C12orf60: variants seen among roughly 807,000 people sequenced by gnomAD.
C12orf60 encodes chromosome 12 open reading frame 60, also known as uncharacterized protein C12orf60.
For missense variants in C12orf60, 284 were observed against 283.2 expected, an observed-to-expected ratio of 1.00 and a Z score of -0.02; for synonymous variants, 102 against 94.6, an observed-to-expected ratio of 1.08 and a Z score of -0.45.
chr12:14,806,825 C>T, intron 1 of C12orf60: 2 of 844,736 alleles, frequency 2.4e-6, no homozygotes, highest in Non-Finnish European at 3.6e-6. Flanking sequence ...GATAATTCCT[C>T]AGAACACTCA....
chr12:14,806,016 T>C (rs780538890), intron 1 of C12orf60: 1 of 1,605,320 alleles, frequency 6.2e-7, no homozygotes, highest in Non-Finnish European at 8.5e-7. Context: ...TTTCATTTGG[T>C]GTTTCACTGT....
Position 14,823,565 on chromosome 12 carries a change from G to C in C12orf60, c.630G>C (p.Leu210Phe). ...SKNPTKSAAD[L>F]LEQIVKAMGP... ...ATCCCACAAAGTCAGCAGCAGATTT[G>C]TTGGAACAAATTGTCAAGGCTATGG... Residue 210 changes from leucine to phenylalanine, a missense_variant, in exon 2 of 2, where the codon TTG (leucine) becomes TTC (phenylalanine). Transcript: ENST00000330828. 6.2e-7 allele frequency: 1 copy of C among 1,613,798 alleles called. No individual in the cohort carries two copies. Among genetic ancestry groups the C allele is most frequent in the East Asian group, 2.2e-5 (1 of 44,866 alleles).
At chr12:14,816,369 A>G (rs1356637442) in intron 1 of C12orf60, among the ~76,000 whole-genome samples, 1 of 152,168 alleles carries the variant, frequency 6.6e-6, no homozygotes, top group Admixed American at 6.5e-5. Context: ...CAAAAACCAT[A>G]TATTACATGA....
intron 1 of C12orf60, among the ~76,000 whole-genome samples, chr12:14,816,767 C>CA (rs1226937629): frequency 2.2e-5 from 3 of 136,410 alleles, no homozygotes; most frequent in Admixed American, 1.6e-4. Context: ...TTTTTTGAGA[C>CA]AGAGTCTCAC....
At chr12:14,810,301 A>C (rs944946703) in intron 1 of C12orf60, among the ~76,000 whole-genome samples, 4 of 152,246 alleles carry the variant, frequency 2.6e-5, no homozygotes, top group African/African-American at 7.2e-5. Context: ...GATAAGAAGC[A>C]CTGGGGAATT....
chr12:14,823,967 A>T lies in C12orf60; in HGVS notation c.*294A>T, dbSNP rs1217992197. 1.5e-5 allele frequency: 3 copies of T among 194,834 alleles called. No individual in the cohort carries two copies. The East Asian group carries it at 3.7e-4, about 24-fold the overall frequency. The allele number at this position is 194,834 out of a possible 1,614,324, so 12.1% of individuals were successfully genotyped here. A position where few individuals can be genotyped will look rare whatever the true frequency, so the allele number is the denominator to read the frequency against. ...TTGTGTTTCATCTTAAAGCATAATT[A>T]AAACAACCCTAAAGTAGTTCCCACT... On this transcript the variant is annotated 3_prime_UTR_variant, in exon 2 of 2. Transcript: ENST00000330828.
intron 1 of C12orf60, among the ~76,000 whole-genome samples, chr12:14,814,637 T>C (rs1288134176): frequency 6.6e-6 from 1 of 152,202 alleles, no homozygotes; most frequent in Non-Finnish European, 1.5e-5. Flanking sequence ...TTTTTTTTTC[T>C]CTTCTTTCCA....
chr12:14,812,788 A>C (rs1357717746), intron 1 of C12orf60, among the ~76,000 whole-genome samples: 1 of 152,086 alleles, frequency 6.6e-6, no homozygotes, highest in Non-Finnish European at 1.5e-5. Context: ...CAGGAGGTAC[A>C]TACACAGGTT....
intron 1 of C12orf60, among the ~76,000 whole-genome samples, chr12:14,811,573 C>T (rs1390624772): frequency 6.6e-6 from 1 of 152,174 alleles, no homozygotes; most frequent in East Asian, 1.9e-4. Flanking sequence ...CTTACTGCAC[C>T]TAACCTTGTT....
In C12orf60 at chr12:14,809,219, C is replaced by T. The variant is rs375048544; in HGVS notation, c.-25+5468C>T. 9.2e-5 allele frequency among the ~76,000 whole-genome samples: 14 copies of T among 152,278 alleles called. 1 individual carries two copies. Among genetic ancestry groups the T allele is most frequent in the Non-Finnish European group, 1.3e-4 (9 of 68,016 alleles). On this transcript the variant is annotated intron_variant, in intron 1 of 1. Transcript: ENST00000330828. ...GTGGTTCTGTCTACCTCAAGATAAA[C>T]AAATGGAGAAATGAACCTTCCTCCT...
chr12:14,803,983 GA>G lies in C12orf60; in HGVS notation c.-25+235del, dbSNP rs201876055. ...CCCATGTGAGCGCCTAGTACGTGTGGAAATTTAATAGACAGGCAGAACAGAA... is the reference window on the plus strand; with the variant it reads ...CCCATGTGAGCGCCTAGTACGTGTGGAATTTAATAGACAGGCAGAACAGAA... On this transcript the variant is annotated intron_variant, in intron 1 of 1. Coordinates refer to ENST00000330828, the MANE Select transcript of C12orf60 (RefSeq NM_175874.4). Among the ~76,000 whole-genome samples the G allele has an allele frequency of 7.2e-3, 1,101 of 152,232 alleles. 16 individuals carry two copies. The highest frequency in any genetic ancestry group is 0.026 in the African/African-American group (1,060 of 41,516).
chr12:14,815,838 T>C (rs1054839031), intron 1 of C12orf60, among the ~76,000 whole-genome samples: 1 of 152,220 alleles, frequency 6.6e-6, no homozygotes, highest in Admixed American at 6.5e-5. Flanking sequence ...GTTTCTCTCC[T>C]ATTTCTACCC....
At chr12:14,819,407 G>A (rs1950272548) in intron 1 of C12orf60, among the ~76,000 whole-genome samples, 1 of 152,064 alleles carries the variant, frequency 6.6e-6, no homozygotes, top group African/African-American at 2.4e-5. Flanking sequence ...ATTACTAATA[G>A]CTCTAAGAAC....
chr12:14,806,739 A>T, intron 1 of C12orf60: 3 of 1,505,024 alleles, frequency 2.0e-6, no homozygotes, highest in Non-Finnish European at 2.7e-6. Flanking sequence ...GTCTTAAAAA[A>T]TGTCTGCTAA....
chr12:14,822,873 A>T, intron 1 of C12orf60, 39 bp from the exon 2 acceptor site: 1 of 1,492,906 alleles, frequency 6.7e-7, no homozygotes, highest in Non-Finnish European at 8.9e-7. Flanking sequence ...TGCCAAATCG[A>T]CTTTTATTTT....
chr12:14,818,651 G>C (rs563880783), intron 1 of C12orf60, among the ~76,000 whole-genome samples: 1 of 152,076 alleles, frequency 6.6e-6, no homozygotes, highest in South Asian at 2.1e-4. Context: ...ATGGTGGTGT[G>C]TGCCTGTACT....
intron 1 of C12orf60, chr12:14,806,695 C>A: frequency 6.4e-7 from 1 of 1,558,766 alleles, no homozygotes; most frequent in Non-Finnish European, 8.6e-7. Flanking sequence ...CCAATATGAT[C>A]GCTGAAAAAT....
At chr12:14,809,076 G>A (rs901156912) in intron 1 of C12orf60, among the ~76,000 whole-genome samples, 1 of 152,106 alleles carries the variant, frequency 6.6e-6, no homozygotes, top group African/African-American at 2.4e-5. Context: ...GAGAAAATTA[G>A]CTATATTCCT....
chr12:14,811,110 T>C (rs928626214), intron 1 of C12orf60, among the ~76,000 whole-genome samples: 5 of 152,226 alleles, frequency 3.3e-5, no homozygotes, highest in African/African-American at 1.2e-4. Context: ...TATGGTAAGT[T>C]TGAACTTTTA....
Sources: allele counts gnomAD v4.1 joint callset (sites outside exome capture counted in the v4.1 genomes callset), GRCh38; gene constraint gnomAD v4.1.1; transcripts MANE v1.5; gene names NCBI Gene and HGNC (gene_info 2026-07-23, HGNC 2026-07-21).